The following TENM4 variants were observed in gnomAD, a reference collection of about 807,000 sequenced individuals.
TENM4 encodes teneurin-4.
In TENM4, 82 loss-of-function variants were observed where a neutral mutation model predicts 243.3. The observed-to-expected ratio is 0.34, with a 90% confidence interval of 0.28 to 0.40. The LOEUF (loss-of-function observed/expected upper bound fraction) is 0.40. Ranked by LOEUF, TENM4 falls within the 10% of genes least tolerant of loss-of-function variation. The probability of loss-of-function intolerance (pLI) is 1.00; values close to 1 mark genes in which losing one functional copy is unlikely to be tolerated. For synonymous variants in TENM4, 1,412 were observed against 1,456.3 expected (o/e 0.97, Z 0.69); for missense variants, 3,138 against 3,673.3 (o/e 0.85, Z 3.77).
chr11:79,334,181 C>T (rs1443589305), intron 1 of TENM4, among the ~76,000 whole-genome samples: 1 of 152,214 alleles, frequency 6.6e-6, no homozygotes, highest in Non-Finnish European at 1.5e-5. Flanking sequence ...GTCCCAGCTG[C>T]TTTCCAGGTA....
At chr11:79,248,769 CAG>C (rs138857995) in intron 2 of TENM4, among the ~76,000 whole-genome samples, 30,898 of 152,058 alleles carry the variant, frequency 0.2, 4,367 homozygotes, top group African/African-American at 0.41. Context: ...ACTTTTTCTG[CAG>C]AGACTTTTTT....
chr11:78,861,280 C>G (rs1858812860), intron 10 of TENM4, among the ~76,000 whole-genome samples: 2 of 152,320 alleles, frequency 1.3e-5, no homozygotes, highest in Admixed American at 1.3e-4. Context: ...GTAGAACTTA[C>G]AAATCAGAAT....
intron 6 of TENM4, among the ~76,000 whole-genome samples, chr11:79,060,112 G>A (rs576104084): frequency 2.0e-5 from 3 of 152,346 alleles, no homozygotes; most frequent in East Asian, 1.9e-4. Flanking sequence ...GCTTGGGAGC[G>A]AAGCTTGAAT....
chr11:79,119,985 G>C (rs1296268818), intron 4 of TENM4, among the ~76,000 whole-genome samples: 1 of 152,204 alleles, frequency 6.6e-6, no homozygotes, highest in African/African-American at 2.4e-5. Flanking sequence ...CACAGGCACT[G>C]CTCCCTGAAT....
intron 12 of TENM4, among the ~76,000 whole-genome samples, chr11:78,849,612 G>A (rs192090858): frequency 2.8e-4 from 42 of 152,248 alleles, no homozygotes; most frequent in African/African-American, 9.4e-4. Context: ...ATGAATAGAT[G>A]GAAAAGAGAA....
intron 2 of TENM4, among the ~76,000 whole-genome samples, chr11:79,285,264 G>C (rs933757983): frequency 6.6e-5 from 10 of 151,252 alleles, no homozygotes; most frequent in African/African-American, 2.4e-4. Context: ...AAAAAAAAGA[G>C]AGATGCTGAG....
chr11:79,063,005 G>C (rs932731522), intron 6 of TENM4, among the ~76,000 whole-genome samples: 3 of 152,078 alleles, frequency 2.0e-5, no homozygotes, highest in Non-Finnish European at 4.4e-5. Context: ...GGGGACCAAC[G>C]GAGAGTGACA....
chr11:79,050,376 G>C (rs533464106), intron 6 of TENM4, among the ~76,000 whole-genome samples: 1 of 152,182 alleles, frequency 6.6e-6, no homozygotes, highest in Non-Finnish European at 1.5e-5. Context: ...GGGCTTAAGC[G>C]GTTTCCCTCT....
At chr11:78,891,387 G>A (rs1855662201) in intron 7 of TENM4, 51 bp from the exon 8 acceptor site, 3 of 1,486,826 alleles carry the variant, frequency 2.0e-6, no homozygotes, top group Non-Finnish European at 2.8e-6. Flanking sequence ...CATTGATGAA[G>A]GGGGCTAGTA....
intron 4 of TENM4, among the ~76,000 whole-genome samples, chr11:79,114,365 T>C (rs1026032981): frequency 2.0e-5 from 3 of 152,198 alleles, no homozygotes; most frequent in Non-Finnish European, 4.4e-5. Context: ...GGGAGGAGAT[T>C]AATATCTTAT....
intron 29 of TENM4, among the ~76,000 whole-genome samples, chr11:78,684,144 A>G (rs4944213): frequency 0.05 from 7,561 of 152,280 alleles, 372 homozygotes; most frequent in African/African-American, 0.12. Context: ...TGCTCCGTTA[A>G]TGAACAAATT....
chr11:79,331,486 AG>A (rs2135445302), intron 1 of TENM4, among the ~76,000 whole-genome samples: 1 of 152,270 alleles, frequency 6.6e-6, no homozygotes, highest in Admixed American at 6.5e-5. Flanking sequence ...GTGCATTAAG[AG>A]GACAGCTGGG....
At chr11:79,083,420 C>A (rs1321303944) in intron 4 of TENM4, among the ~76,000 whole-genome samples, 1 of 152,146 alleles carries the variant, frequency 6.6e-6, no homozygotes, top group Admixed American at 6.5e-5. Context: ...TTAAAAACTC[C>A]CATTCAGGCA....
intron 12 of TENM4, among the ~76,000 whole-genome samples, chr11:78,852,270 T>C (rs1368252356): frequency 6.6e-6 from 1 of 152,198 alleles, no homozygotes; most frequent in Admixed American, 6.5e-5. Flanking sequence ...GAGCCTGTAT[T>C]TAGAGCAGAA....
intron 4 of TENM4, among the ~76,000 whole-genome samples, chr11:79,117,758 T>C (rs1220234281): frequency 6.6e-6 from 1 of 152,202 alleles, no homozygotes; most frequent in Admixed American, 6.5e-5. Context: ...TTTTGTGATC[T>C]CAGGCAAGTC....
chr11:78,989,709 C>T (rs777116247), intron 6 of TENM4, among the ~76,000 whole-genome samples: 15 of 152,132 alleles, frequency 9.9e-5, no homozygotes, highest in Non-Finnish European at 1.9e-4. Context: ...TCCCTCTCTT[C>T]GGAGCAGCAG....
chr11:78,704,159 C>CTATA (rs56026926), intron 27 of TENM4, among the ~76,000 whole-genome samples: 9,901 of 105,322 alleles, frequency 0.094, 490 homozygotes, highest in Non-Finnish European at 0.11. Flanking sequence ...GTATGTGTGT[C>CTATA]TATATATATA....
intron 3 of TENM4, among the ~76,000 whole-genome samples, chr11:79,154,564 C>T (rs1437896633): frequency 6.6e-6 from 1 of 152,050 alleles, no homozygotes; most frequent in Non-Finnish European, 1.5e-5. Flanking sequence ...TGTTATGTTC[C>T]CATCAGGGCC....
At chr11:79,043,121 C>T (rs1267695525) in intron 6 of TENM4, among the ~76,000 whole-genome samples, 1 of 152,172 alleles carries the variant, frequency 6.6e-6, no homozygotes, top group East Asian at 1.9e-4. Flanking sequence ...TCAGAGCTAA[C>T]AGCACAATTC....
Sources: gnomAD v4.1 joint callset for allele counts (sites outside exome capture counted in the v4.1 genomes callset) on GRCh38, gnomAD v4.1.1 for gene constraint, MANE v1.5 for transcripts, NCBI Gene and HGNC (gene_info 2026-07-23, HGNC 2026-07-21) for gene names.